The following HELQ variants were observed in gnomAD, a reference collection of about 807,000 sequenced individuals.
The protein encoded by HELQ is helicase POLQ-like.
HELQ carries 77 observed loss-of-function variants against 111.6 expected under a neutral mutation model. That is an observed-to-expected ratio of 0.69 (90% CI 0.57 to 0.83). The LOEUF is 0.83. Among genes scored for constraint, HELQ ranks in the 40% least tolerant of loss-of-function variants. The pLI, the probability that HELQ is intolerant of heterozygous loss-of-function variation, is 0.00. For synonymous variants in HELQ, 438 were observed against 454.7 expected (o/e 0.96, Z 0.47); for missense variants, 1,200 against 1,288.5 (o/e 0.93, Z 1.05).
At chr4:83,440,117 TC>T in intron 7 of HELQ, 109 bp from the exon 8 acceptor site, 1 of 740,792 alleles carries the variant, frequency 1.3e-6, no homozygotes, top group Non-Finnish European at 2.2e-6. Flanking sequence ...ATTCTAAACT[TC>T]TAATTTAATA....
chr4:83,446,894 C>T lies in HELQ; in HGVS notation c.1333G>A (p.Val445Met), dbSNP rs746281311. Residue 445 changes from valine to methionine, a missense_variant, in exon 4 of 18, where the codon GTG (valine) becomes ATG (methionine). By Grantham distance (21) the Val-to-Met change is conservative (BLOSUM62 1). This residue lies in a region of HELQ where 610 missense variants were observed against 607.1 expected (regional missense o/e 1.00). Coordinates refer to ENST00000295488, the MANE Select transcript of HELQ (RefSeq NM_133636.5). ...IATIEKGHSLVNSLIETGRID... is the reference protein window; with the variant it reads ...IATIEKGHSLMNSLIETGRID... ...CTTCCAGTTTCAATCAAGGAGTTCACCAAGCTATGTCCTTTTTCAATAGTG... is the reference window on the plus strand; with the variant it reads ...CTTCCAGTTTCAATCAAGGAGTTCATCAAGCTATGTCCTTTTTCAATAGTG... 6.2e-7 allele frequency: 1 copy of T among 1,613,748 alleles called. No individual in the cohort carries two copies. Among genetic ancestry groups the T allele is most frequent in the South Asian group, 1.1e-5 (1 of 91,082 alleles).
chr4:83,413,584 AG>A (rs1488321653), intron 17 of HELQ, among the ~76,000 whole-genome samples: 1 of 152,218 alleles, frequency 6.6e-6, no homozygotes, highest in Non-Finnish European at 1.5e-5. Context: ...CTTCTCATGA[AG>A]AGGTGGTCTG....
intron 17 of HELQ, 116 bp downstream of exon 17, chr4:83,416,615 G>C: frequency 9.8e-7 from 1 of 1,024,942 alleles, no homozygotes; most frequent in Non-Finnish European, 1.4e-6. Context: ...ATGTACTTTT[G>C]TATCTATAGA....
At chr4:83,418,900 C>T (rs1260862999) in intron 15 of HELQ, among the ~76,000 whole-genome samples, 1 of 152,028 alleles carries the variant, frequency 6.6e-6, no homozygotes, top group Non-Finnish European at 1.5e-5. Context: ...CCTGAAGCTG[C>T]CTTAGTTCTG....
intron 6 of HELQ, among the ~76,000 whole-genome samples, chr4:83,442,546 G>A (rs1046504776): frequency 2.0e-5 from 3 of 151,368 alleles, no homozygotes; most frequent in Non-Finnish European, 4.4e-5. Flanking sequence ...AGAGTAGCTG[G>A]GACTACAGGC....
In HELQ at chr4:83,414,487, GC is replaced by G. The variant is rs574721106; in HGVS notation, c.3198+2243del. 2.1e-3 allele frequency among the ~76,000 whole-genome samples: 320 copies of G among 152,258 alleles called. 1 individual carries two copies. The highest frequency in any genetic ancestry group is 7.2e-3 in the African/African-American group (301 of 41,550). On this transcript the variant is annotated intron_variant, in intron 17 of 17. Coordinates refer to ENST00000295488, the MANE Select transcript of HELQ (RefSeq NM_133636.5). ...GGTTTCTGCCTCCTAATGATTAGATGCTGACAGACACAGCCAGAAAGTAAGA... is the reference window on the plus strand; with the variant it reads ...GGTTTCTGCCTCCTAATGATTAGATGTGACAGACACAGCCAGAAAGTAAGA...
intron 6 of HELQ, among the ~76,000 whole-genome samples, chr4:83,441,731 G>C (rs1720766019): frequency 6.6e-6 from 1 of 150,584 alleles, no homozygotes; most frequent in African/African-American, 2.4e-5. Context: ...CTTTTACTAA[G>C]GTATCATCTG....
intron 3 of HELQ, among the ~76,000 whole-genome samples, chr4:83,447,952 G>A (rs1438576854): frequency 1.3e-5 from 2 of 151,826 alleles, no homozygotes; most frequent in Non-Finnish European, 2.9e-5. Flanking sequence ...GCTCACACCT[G>A]TAATCCCAGC....
intron 4 of HELQ, among the ~76,000 whole-genome samples, chr4:83,446,378 C>T (rs565279214): frequency 1.8e-4 from 28 of 152,228 alleles, no homozygotes; most frequent in African/African-American, 6.3e-4. Flanking sequence ...GTGATCCTAG[C>T]TCACTGCAAC....
chr4:83,453,638 T>C lies in HELQ; in HGVS notation c.605A>G (p.Tyr202Cys). Residue 202 changes from tyrosine (Y) to cysteine (C), a missense_variant, in exon 2 of 18, where the codon TAC becomes TGC. Physicochemically the swap from Tyr to Cys is radical, Grantham distance 194. This residue lies in a region of HELQ where 610 missense variants were observed against 607.1 expected (regional missense o/e 1.00). Coordinates refer to ENST00000295488, the MANE Select transcript of HELQ (RefSeq NM_133636.5). ...LYDVPSSQAI[Y>C]FENLQNSSND... ...TGAAGAGTTCTGCAAATTTTCAAAG[T>C]ATATAGCCTGTGAGGAAGGTACATC... is the stretch of plus-strand genomic sequence containing the variant. The C allele has an allele frequency of 6.2e-7, 1 of 1,614,044 alleles. No individual in the cohort carries two copies. Among genetic ancestry groups the C allele is most frequent in the Non-Finnish European group, 8.5e-7 (1 of 1,179,916 alleles).
intron 14 of HELQ, among the ~76,000 whole-genome samples, chr4:83,424,034 C>A (rs975728183): frequency 2.6e-5 from 4 of 152,020 alleles, no homozygotes; most frequent in African/African-American, 9.7e-5. Flanking sequence ...ATATGTTCTC[C>A]AGAGTTTTAA....
chr4:83,434,930 T>C (rs992177730), intron 9 of HELQ, among the ~76,000 whole-genome samples: 2 of 151,504 alleles, frequency 1.3e-5, no homozygotes, highest in Non-Finnish European at 1.5e-5. Flanking sequence ...GAAAAAGAAA[T>C]AACAGAAAAA....
At chr4:83,420,491 A>T (rs1356377068) in intron 15 of HELQ, among the ~76,000 whole-genome samples, 2 of 152,036 alleles carry the variant, frequency 1.3e-5, no homozygotes, top group Non-Finnish European at 2.9e-5. Flanking sequence ...CACAAAAAAA[A>T]TTTAAAAAAT....
At chr4:83,442,348 T>C (rs1475266940) in intron 6 of HELQ, among the ~76,000 whole-genome samples, 1 of 148,652 alleles carries the variant, frequency 6.7e-6, no homozygotes, top group Admixed American at 6.7e-5. Flanking sequence ...GCTTACTGTA[T>C]CCTCAACCTT....
intron 2 of HELQ, among the ~76,000 whole-genome samples, chr4:83,450,664 C>CAAA (rs11353264): frequency 8.3e-6 from 1 of 120,096 alleles, no homozygotes; most frequent in Non-Finnish European, 1.8e-5. Context: ...ATCTTCACAT[C>CAAA]AAAAAAAAAA....
intron 16 of HELQ, among the ~76,000 whole-genome samples, chr4:83,417,637 G>T (rs1202451167): frequency 2.6e-5 from 4 of 152,162 alleles, no homozygotes; most frequent in African/African-American, 9.7e-5. Context: ...GAAGTTGAGG[G>T]TTGGCTGAAA....
intron 12 of HELQ, 38 bp from the exon 13 acceptor site, chr4:83,427,758 AC>A: frequency 7.2e-7 from 1 of 1,387,148 alleles, no homozygotes; most frequent in South Asian, 1.6e-5. Flanking sequence ...TTTCACAATT[AC>A]CAGAGGGGCA....
At chr4:83,455,870 C>G (rs993167733), upstream of HELQ, 1 of 775,940 alleles carries the variant, frequency 1.3e-6, no homozygotes, top group South Asian at 1.7e-5. Flanking sequence ...CCTGTCCAAT[C>G]ATAAGCCTCA....
chr4:83,440,721 TTTG>T (rs759948871), intron 7 of HELQ, among the ~76,000 whole-genome samples: 90 of 152,274 alleles, frequency 5.9e-4, no homozygotes, highest in Admixed American at 2.3e-3. Flanking sequence ...AAATTATTCT[TTTG>T]TTGTTGTTGT....
Sources: allele counts gnomAD v4.1 joint callset (sites outside exome capture counted in the v4.1 genomes callset), GRCh38; gene constraint gnomAD v4.1.1; regional missense constraint gnomAD v4.1.1; transcripts MANE v1.5; gene names NCBI Gene and HGNC (gene_info 2026-07-23, HGNC 2026-07-21).